Variants in TLL2 observed in about 807,000 individuals in gnomAD.
The protein encoded by TLL2 is tolloid-like protein 2.
Under a neutral mutation model 123.0 loss-of-function variants are expected in TLL2, and 106 were observed. The observed-to-expected ratio is 0.86, with a 90% CI of 0.74 to 1.01. The LOEUF is 1.01. Ranked by LOEUF, TLL2 falls within the 50% of genes least tolerant of loss-of-function variation. The pLI, the probability that TLL2 is intolerant of heterozygous loss-of-function variation, is 0.00. For synonymous variants in TLL2, 494 were observed against 516.8 expected (o/e 0.96, Z 0.60); for missense variants, 1,332 against 1,336.7 (o/e 1.00, Z 0.06).
chr10:96,450,520 G>A (rs1333857538), intron 2 of TLL2, among the ~76,000 whole-genome samples: 2 of 152,204 alleles, frequency 1.3e-5, no homozygotes, highest in African/African-American at 4.8e-5. Context: ...CACCCTGTAA[G>A]AGGAAGCCTC....
intron 1 of TLL2, among the ~76,000 whole-genome samples, chr10:96,507,476 T>G (rs558606402): frequency 5.2e-4 from 79 of 152,258 alleles, no homozygotes; most frequent in Non-Finnish European, 9.9e-4. Context: ...AATAAATTAC[T>G]CATTTATTGC....
intron 3 of TLL2, among the ~76,000 whole-genome samples, chr10:96,437,881 G>T (rs763764226): frequency 6.6e-6 from 1 of 152,150 alleles, no homozygotes; most frequent in Non-Finnish European, 1.5e-5. Flanking sequence ...TTGTGTAAAG[G>T]TAAGTTTTCA....
chr10:96,403,029 C>A (rs1222235310), intron 10 of TLL2, among the ~76,000 whole-genome samples: 1 of 152,170 alleles, frequency 6.6e-6, no homozygotes. Context: ...AGGACAAAGT[C>A]CTCACTGAGC....
chr10:96,429,598 G>T lies in TLL2; in HGVS notation c.521-850C>A, dbSNP rs567753550. ...TTACAAAACCTTATCCAGGTTTTTC[G>T]ATTTGGAAACTGCAGGCTTTTGAAG... On this transcript the variant is annotated intron_variant, in intron 4 of 20. Transcript: ENST00000357947. Among the ~76,000 whole-genome samples the T allele has an allele frequency of 3.3e-5, 5 of 152,246 alleles. No homozygotes were observed. In the South Asian group the frequency reaches 1.0e-3, roughly 32 times the overall value.
At chr10:96,497,271 G>T (rs1012753054) in intron 1 of TLL2, among the ~76,000 whole-genome samples, 2 of 152,128 alleles carry the variant, frequency 1.3e-5, no homozygotes, top group Non-Finnish European at 2.9e-5. Context: ...AACAGAATGA[G>T]ACTCTGTCTC....
chr10:96,454,592 C>A (rs551122037), intron 2 of TLL2, among the ~76,000 whole-genome samples: 129 of 152,304 alleles, frequency 8.5e-4, no homozygotes, highest in African/African-American at 2.9e-3. Context: ...CCCCTGGACT[C>A]CAGGTATCCT....
At chr10:96,437,357 G>A (rs1161632607) in intron 3 of TLL2, among the ~76,000 whole-genome samples, 2 of 152,078 alleles carry the variant, frequency 1.3e-5, no homozygotes, top group Non-Finnish European at 2.9e-5. Flanking sequence ...CTAGGATATG[G>A]GCATTGATAC....
chr10:96,395,229 C>T lies in TLL2; in HGVS notation c.1684G>A (p.Gly562Ser). The change falls in exon 13 of 21, where the codon GGC becomes AGC. Residue 562 changes from glycine (G) to serine (S), a missense_variant. Transcript: ENST00000357947. ...NRLWMKFVSD[G>S]SINKAGFAAN... ...GCAAAGCCCGCTTTATTGATAGAGCCATCGGACACAAACTTCATCCACAGT... is the reference window on the plus strand; with the variant it reads ...GCAAAGCCCGCTTTATTGATAGAGCTATCGGACACAAACTTCATCCACAGT... 8.1e-6 allele frequency: 13 copies of T among 1,612,470 alleles called. No homozygotes were observed. Among genetic ancestry groups the T allele is most frequent in the Non-Finnish European group, 1.0e-5 (12 of 1,179,482 alleles).
rs1846027550 is a variant in TLL2, at chr10:96,366,480, A to G, written c.*1608T>C. The G allele has an allele frequency of 6.6e-6, 1 of 152,624 alleles. No homozygotes were observed. Among genetic ancestry groups the G allele is most frequent in the South Asian group, 2.1e-4 (1 of 4,836 alleles). 9.5% of individuals were successfully genotyped at this position (152,624 alleles called of 1,614,324 possible). A position where few individuals can be genotyped will look rare whatever the true frequency, so the allele number is the denominator to read the frequency against. Reference sequence around the variant, plus strand: ...AGACATATATTATTAATAATACTTTAATTTTTTTCTGTTTTAAGGAAAAAA... The same window carrying G: ...AGACATATATTATTAATAATACTTTGATTTTTTTCTGTTTTAAGGAAAAAA... On this transcript the variant is annotated 3_prime_UTR_variant, in exon 21 of 21. Coordinates refer to ENST00000357947, the MANE Select transcript of TLL2 (RefSeq NM_012465.4).
intron 6 of TLL2, among the ~76,000 whole-genome samples, chr10:96,421,371 A>T (rs1846619283): frequency 6.6e-6 from 1 of 152,222 alleles, no homozygotes; most frequent in Non-Finnish European, 1.5e-5. Flanking sequence ...AAATAAAAAT[A>T]AAAAACTCTG....
rs1846110174 is a variant in TLL2, at chr10:96,373,889, G to T, written c.2449-80C>A. 2.2e-6 allele frequency: 3 copies of T among 1,340,778 alleles called. No homozygotes were observed. In the Admixed American group the frequency reaches 5.4e-5, roughly 24 times the overall value. 83.1% of individuals were successfully genotyped at this position (1,340,778 alleles called of 1,614,324 possible). Reference sequence around the variant, plus strand: ...GGGCCTCCTTTCCAGTTCTGGGACAGGAAGGGGCGAGGCAGTGCAGGGAGA... The same window carrying T: ...GGGCCTCCTTTCCAGTTCTGGGACATGAAGGGGCGAGGCAGTGCAGGGAGA... On this transcript the variant is annotated intron_variant, in intron 18 of 20. Coordinates refer to ENST00000357947, the MANE Select transcript of TLL2 (RefSeq NM_012465.4).
chr10:96,476,354 G>A (rs1299406925), intron 2 of TLL2, among the ~76,000 whole-genome samples: 3 of 149,354 alleles, frequency 2.0e-5, no homozygotes, highest in Non-Finnish European at 3.0e-5. Flanking sequence ...TCCACCTCCC[G>A]GGTTCCAGCA....
chr10:96,376,698 C>T lies in TLL2; in HGVS notation c.2442G>A (p.Val814=), dbSNP rs376811076. Residue 814 remains valine, a synonymous_variant, in exon 18 of 21, where the codon GTG becomes GTA. Transcript: ENST00000357947. ...AACTACAAAAATGACTCACGAGTTT[C>T]ACTCTGTGGCCTGCAGTCGAAGAGA... The part of the protein sequence containing the change: ...WNISSTAGHR[V]KLTFNEFEIE... 4.3e-6 allele frequency: 7 copies of T among 1,609,928 alleles called. No individual in the cohort carries two copies. In the African/African-American group the frequency reaches 9.4e-5, roughly 22 times the overall value.
intron 10 of TLL2, among the ~76,000 whole-genome samples, chr10:96,399,794 TCA>T (rs1288963334): frequency 1.3e-5 from 2 of 152,180 alleles, no homozygotes; most frequent in African/African-American, 4.8e-5. Context: ...AACCCAGCTG[TCA>T]CAGCCACTGA....
chr10:96,463,875 G>A (rs1232280744), intron 2 of TLL2, among the ~76,000 whole-genome samples: 1 of 152,242 alleles, frequency 6.6e-6, no homozygotes, highest in African/African-American at 2.4e-5. Context: ...GACCAGCCAG[G>A]GCAGCAGAGC....
chr10:96,367,976 T>C lies in TLL2; in HGVS notation c.*112A>G. ...CTAAGGCTGGATTCTGAGTTTTTGT[T>C]TGAGAAAAATACTGTACACTGTTTT... On this transcript the variant is annotated 3_prime_UTR_variant, in exon 21 of 21. Transcript: ENST00000357947. 1.5e-6 allele frequency: 2 copies of C among 1,339,392 alleles called. No individual in the cohort carries two copies. Among genetic ancestry groups the C allele is most frequent in the East Asian group, 2.4e-5 (1 of 41,576 alleles). 83.0% of individuals were successfully genotyped at this position (1,339,392 alleles called of 1,614,324 possible).
intron 1 of TLL2, among the ~76,000 whole-genome samples, chr10:96,510,449 T>A (rs1847618004): frequency 6.6e-6 from 1 of 152,236 alleles, no homozygotes; most frequent in Admixed American, 6.5e-5. Context: ...AAATAGATTG[T>A]CTATTAGCAA....
At chr10:96,372,271 T>C (rs1271337760) in intron 19 of TLL2, among the ~76,000 whole-genome samples, 1 of 152,132 alleles carries the variant, frequency 6.6e-6, no homozygotes, top group African/African-American at 2.4e-5. Flanking sequence ...CCATTTTGTT[T>C]GACCTAATTT....
chr10:96,385,953 G>T, intron 15 of TLL2, 102 bp downstream of exon 15: 1 of 1,279,026 alleles, frequency 7.8e-7, no homozygotes, highest in Non-Finnish European at 1.0e-6. Flanking sequence ...CAAAGCTTCA[G>T]TCAACACAAG....
Sources: allele counts gnomAD v4.1 joint callset (sites outside exome capture counted in the v4.1 genomes callset), GRCh38; gene constraint gnomAD v4.1.1; transcripts MANE v1.5; gene names NCBI Gene and HGNC (gene_info 2026-07-23, HGNC 2026-07-21).